NEK11: variants seen among roughly 807,000 people sequenced by gnomAD.
NEK11 encodes the protein NIMA related kinase 11, also known as serine/threonine-protein kinase Nek11.
NEK11 carries 72 observed loss-of-function variants against 80.7 expected under a neutral mutation model. That is an observed-to-expected ratio of 0.89 (90% CI 0.74 to 1.08). The LOEUF (loss-of-function observed/expected upper bound fraction) is 1.08. Ranked by LOEUF, NEK11 falls within the 50% of genes least tolerant of loss-of-function variation. The pLI, the probability that NEK11 is intolerant of heterozygous loss-of-function variation, is 0.00. For missense variants in NEK11, 764 were observed against 763.6 expected (o/e 1.00, Z -0.01); for synonymous variants, 251 against 260.7 (o/e 0.96, Z 0.36).
intron 14 of NEK11, among the ~76,000 whole-genome samples, chr3:131,218,801 A>T (rs1232436385): frequency 2.0e-5 from 3 of 152,228 alleles, no homozygotes; most frequent in Non-Finnish European, 4.4e-5. Flanking sequence ...TCTAATGACC[A>T]GTGATGATGA....
rs935200143 is a variant in NEK11 at position 131,264,525 on chromosome 3, A to C, written c.1622-8953A>C. On this transcript the variant is annotated intron_variant, in intron 16 of 17. Coordinates refer to ENST00000383366, the MANE Select transcript of NEK11 (RefSeq NM_024800.5). ...TTTGTCAAAGATCAGATGGTTGTAG[A>C]TGTGTGGTATTATTTCTGAGGGCTC... Among the ~76,000 whole-genome samples the C allele has an allele frequency of 9.0e-4, 137 of 152,118 alleles. 1 individual carries two copies. The highest frequency in any genetic ancestry group is 1.3e-3 in the Non-Finnish European group (89 of 67,992).
At chr3:131,233,551 A>G (rs1418057584) in intron 15 of NEK11, among the ~76,000 whole-genome samples, 6 of 152,192 alleles carry the variant, frequency 3.9e-5, no homozygotes, top group Non-Finnish European at 8.8e-5. Flanking sequence ...GGCAGAGATA[A>G]AGGAGAAGGT....
chr3:131,101,023 T>C (rs1244770387), intron 4 of NEK11, among the ~76,000 whole-genome samples: 1 of 152,156 alleles, frequency 6.6e-6, no homozygotes, highest in Non-Finnish European at 1.5e-5. Context: ...ATTTTGTGTG[T>C]GTAAGTTGGT....
intron 14 of NEK11, among the ~76,000 whole-genome samples, chr3:131,202,025 G>A (rs2150386721): frequency 6.6e-6 from 1 of 151,980 alleles, no homozygotes; most frequent in South Asian, 2.1e-4. Flanking sequence ...AGTAGAGACG[G>A]GGTTTCACCA....
At chr3:131,105,837 T>A (rs1265752802) in intron 4 of NEK11, among the ~76,000 whole-genome samples, 2 of 152,194 alleles carry the variant, frequency 1.3e-5, no homozygotes, top group African/African-American at 4.8e-5. Context: ...CCAGTCAGTT[T>A]TTTTCCCCAA....
chr3:131,122,813 G>A lies in NEK11; in HGVS notation c.456-9932G>A, dbSNP rs965373164. 2.0e-5 allele frequency among the ~76,000 whole-genome samples: 3 copies of A among 152,308 alleles called. No individual in the cohort carries two copies. The East Asian group carries it at 5.8e-4, about 29-fold the overall frequency. ...CAGACTGTTCTTCATCCTAGCATGGGCCCTGGATGCTGGGGAAGAATGACC... is the reference window on the plus strand; with the variant it reads ...CAGACTGTTCTTCATCCTAGCATGGACCCTGGATGCTGGGGAAGAATGACC... On this transcript the variant is annotated intron_variant, in intron 5 of 17. Transcript: ENST00000383366.
intron 17 of NEK11, among the ~76,000 whole-genome samples, chr3:131,312,291 C>T (rs1163707530): frequency 3.3e-5 from 5 of 152,138 alleles, no homozygotes; most frequent in African/African-American, 1.2e-4. Context: ...GATAACAATG[C>T]CTGCTTTCCA....
chr3:131,082,401 C>T (rs1024398361), intron 4 of NEK11, among the ~76,000 whole-genome samples: 6 of 152,192 alleles, frequency 3.9e-5, no homozygotes, highest in Non-Finnish European at 5.9e-5. Flanking sequence ...AGGACATTGA[C>T]TTTTTCAAAG....
chr3:131,349,439 CCT>C, intron 17 of NEK11, 116 bp from the exon 18 acceptor site: 1 of 828,466 alleles, frequency 1.2e-6, no homozygotes, highest in Non-Finnish European at 1.9e-6. Context: ...TTTTCTTCCC[CCT>C]TTTTTTCTAA....
chr3:131,122,452 T>C (rs1400179057), intron 5 of NEK11, among the ~76,000 whole-genome samples: 2 of 152,184 alleles, frequency 1.3e-5, no homozygotes, highest in Admixed American at 1.3e-4. Flanking sequence ...ACTTACAACA[T>C]AGAGGACTCA....
intron 3 of NEK11, among the ~76,000 whole-genome samples, chr3:131,042,002 G>A (rs779959719): frequency 3.3e-5 from 5 of 152,152 alleles, no homozygotes; most frequent in Non-Finnish European, 7.3e-5. Flanking sequence ...GCAAGGGGTT[G>A]GGGAGCTCCC....
At chr3:131,203,163 A>G (rs1001320704) in intron 14 of NEK11, among the ~76,000 whole-genome samples, 3 of 152,178 alleles carry the variant, frequency 2.0e-5, no homozygotes, top group Non-Finnish European at 2.9e-5. Flanking sequence ...ACAATAGCAA[A>G]CACTTGGAAT....
At chr3:131,107,746 T>C (rs1346892122) in intron 4 of NEK11, among the ~76,000 whole-genome samples, 1 of 152,116 alleles carries the variant, frequency 6.6e-6, no homozygotes, top group African/African-American at 2.4e-5. Context: ...GCTTGTAAAC[T>C]GATATATTAA....
chr3:131,322,744 T>C (rs1166280235), intron 17 of NEK11, among the ~76,000 whole-genome samples: 1 of 152,208 alleles, frequency 6.6e-6, no homozygotes, highest in African/African-American at 2.4e-5. Context: ...AGAGCATCCT[T>C]GTGATGGCCT....
In NEK11 at chr3:131,258,367, G is replaced by A. The variant is rs1324041534; in HGVS notation, c.1621+14871G>A. Among the ~76,000 whole-genome samples the A allele has an allele frequency of 3.3e-5, 5 of 152,130 alleles. No individual in the cohort carries two copies. The East Asian group carries it at 9.6e-4, about 29-fold the overall frequency. ...TAAAAAAAGAGAAGGAAGTACTGCT[G>A]ATACACTTTCCTTAAGTATTTGAAT... On this transcript the variant is annotated intron_variant, in intron 16 of 17. Coordinates refer to ENST00000383366, the MANE Select transcript of NEK11 (RefSeq NM_024800.5).
intron 15 of NEK11, among the ~76,000 whole-genome samples, chr3:131,235,129 C>T (rs1000440538): frequency 9.9e-5 from 15 of 152,192 alleles, no homozygotes; most frequent in African/African-American, 3.1e-4. Context: ...CAGAGGTCCA[C>T]AGGTCAATGG....
intron 17 of NEK11, among the ~76,000 whole-genome samples, chr3:131,274,567 T>A (rs2108711894): frequency 6.8e-6 from 1 of 146,000 alleles, no homozygotes; most frequent in African/African-American, 2.5e-5. Context: ...TAGTTTACAG[T>A]CCCACCAACA....
Position 131,228,717 on chromosome 3 carries a change from G to A in NEK11, c.1560+29G>A, listed in dbSNP as rs775342047. 3.7e-6 allele frequency: 6 copies of A among 1,601,814 alleles called. No homozygotes were observed. The East Asian group carries it at 1.3e-4, about 36-fold the overall frequency. On this transcript the variant is annotated intron_variant, in intron 15 of 17. Coordinates refer to ENST00000383366, the MANE Select transcript of NEK11 (RefSeq NM_024800.5). ...TGTAATGCTCCCTGTCGGAAGCCAT[G>A]GAACTGTTCAAGGTACTGATTGGAC...
Position 131,029,849 on chromosome 3 carries a change from A to C in NEK11, c.141A>C (p.Ser47=). 6.2e-7 allele frequency: 1 copy of C among 1,614,238 alleles called. No homozygotes were observed. The highest frequency in any genetic ancestry group is 8.5e-7 in the Non-Finnish European group (1 of 1,180,040). The part of the protein sequence containing the change: ...SGSFGTVYLV[S]DKKAKRGEEL... ...GTTTTGGAACTGTCTATCTGGTTTC[A>C]GACAAGAAAGCCAAACGAGGAGAGG... Residue 47 remains serine, a synonymous_variant, in exon 3 of 18, where the codon TCA becomes TCC. Coordinates refer to ENST00000383366, the MANE Select transcript of NEK11 (RefSeq NM_024800.5).
Sources: gnomAD v4.1 joint callset for allele counts (sites outside exome capture counted in the v4.1 genomes callset) on GRCh38, gnomAD v4.1.1 for gene constraint, MANE v1.5 for transcripts, NCBI Gene and HGNC (gene_info 2026-07-23, HGNC 2026-07-21) for gene names.